The following UGT2B11 variants were observed in gnomAD, a reference collection of about 807,000 sequenced individuals.
UGT2B11 encodes the protein UDP glucuronosyltransferase family 2 member B11, also known as UDP-glucuronosyltransferase 2B11.
Under a neutral mutation model 51.7 loss-of-function variants are expected in UGT2B11, and 49 were observed. The observed-to-expected ratio is 0.95, with a 90% CI of 0.75 to 1.20. The LOEUF (loss-of-function observed/expected upper bound fraction) is 1.20. UGT2B11 is among the 50% of genes most tolerant of loss of function. UGT2B11 has a pLI of 0.00. For synonymous variants in UGT2B11, 273 were observed against 209.0 expected, an observed-to-expected ratio of 1.31 and a Z score of -2.64; for missense variants, 810 against 622.1, an observed-to-expected ratio of 1.30 and a Z score of -3.21.
intron 2 of UGT2B11, among the ~76,000 whole-genome samples, chr4:69,209,855 T>G (rs1407825873): frequency 1.7e-4 from 26 of 151,656 alleles, no homozygotes; most frequent in Non-Finnish European, 4.4e-5. Context: ...TGATATTGAC[T>G]GGTTGTTTCT....
Position 69,208,497 on chromosome 4 carries a change from T to C in UGT2B11, c.871-15A>G. 6.2e-7 allele frequency: 1 copy of C among 1,605,726 alleles called. No individual in the cohort carries two copies. The highest frequency in any genetic ancestry group is 8.5e-7 in the Non-Finnish European group (1 of 1,176,706). On this transcript the variant is annotated splice_polypyrimidine_tract_variant and intron_variant, in intron 2 of 5. Coordinates refer to ENST00000446444, the MANE Select transcript of UGT2B11 (RefSeq NM_001073.3). ...TCCTCCATTTCCTGTGAAAAAAAAA[T>C]TGTTTCATCACAAAAGAGTATCACC...
rs1440629883 is a variant in UGT2B11 at position 69,204,480 on chromosome 4, C to G, written c.1260G>C (p.Met420Ile). Residue 420 changes from methionine to isoleucine, a missense_variant, in exon 5 of 6, where the codon ATG becomes ATC. Transcript: ENST00000446444. Reference sequence around the variant, plus strand: ...GTGCATTCAGCAGGTCTGTACTCGACATTGTGTTGAAGTCCAATCTAACAG... The same window carrying G: ...GTGCATTCAGCAGGTCTGTACTCGAGATTGTGTTGAAGTCCAATCTAACAG... ...GAAVRLDFNT[M>I]SSTDLLNALK... The G allele has an allele frequency of 1.2e-6, 2 of 1,612,154 alleles. No individual in the cohort carries two copies. The highest frequency in any genetic ancestry group is 8.5e-7 in the Non-Finnish European group (1 of 1,178,762).
chr4:69,223,374 C>A, the UGT2B11 span, among the ~76,000 whole-genome samples: 1 of 152,138 alleles, frequency 6.6e-6, no homozygotes, highest in Admixed American at 6.6e-5. Flanking sequence ...CAGGTCAGGC[C>A]CAGATGTGCT....
intron 2 of UGT2B11, among the ~76,000 whole-genome samples, chr4:69,209,131 A>AT (rs1278958400): frequency 3.3e-5 from 5 of 151,670 alleles, no homozygotes; most frequent in Non-Finnish European, 3.0e-5. Context: ...TGAGTCTAGT[A>AT]TTGTGATTTG....
chr4:69,201,578 CT>C (rs1721661560), intron 5 of UGT2B11, among the ~76,000 whole-genome samples: 1 of 151,722 alleles, frequency 6.6e-6, no homozygotes, highest in African/African-American at 2.4e-5. Flanking sequence ...CAAAGGTGTT[CT>C]CATCTTAGAA....
intron 3 of UGT2B11, among the ~76,000 whole-genome samples, chr4:69,207,676 C>T (rs1333167102): frequency 2.6e-5 from 4 of 151,602 alleles, no homozygotes; most frequent in African/African-American, 9.7e-5. Context: ...CTTTCATCTT[C>T]CTGCTTCAGG....
chr4:69,202,842 T>C (rs986251390), intron 5 of UGT2B11, among the ~76,000 whole-genome samples: 84 of 151,788 alleles, frequency 5.5e-4, no homozygotes, highest in African/African-American at 2.0e-3. Flanking sequence ...ACATTGATCA[T>C]TCGTTATCCT....
chr4:69,206,422 A>G (rs946019959), intron 3 of UGT2B11, among the ~76,000 whole-genome samples: 4 of 151,698 alleles, frequency 2.6e-5, no homozygotes, highest in Non-Finnish European at 5.9e-5. Flanking sequence ...AAGCTAAAAG[A>G]TGAGAACACG....
intron 2 of UGT2B11, among the ~76,000 whole-genome samples, chr4:69,209,938 TA>T (rs953937535): frequency 4.0e-5 from 6 of 151,654 alleles, no homozygotes; most frequent in Non-Finnish European, 7.4e-5. Context: ...AAAAGTTTTT[TA>T]AAAAATAATT....
chr4:69,205,767 A>G, intron 3 of UGT2B11, 200 bp from the exon 4 acceptor site: 1 of 550,840 alleles, frequency 1.8e-6, no homozygotes, highest in Admixed American at 4.1e-5. Flanking sequence ...TGATTTTCCA[A>G]AACAGTACCA....
the UGT2B11 span, among the ~76,000 whole-genome samples, chr4:69,223,696 G>C: frequency 6.6e-6 from 1 of 152,102 alleles, no homozygotes; most frequent in Non-Finnish European, 1.5e-5. Context: ...AGGGGGTGGT[G>C]GATGTTCTCT....
At chr4:69,216,074 C>A (rs1457182590), upstream of UGT2B11, 1 of 151,908 alleles carries the variant, frequency 6.6e-6, no homozygotes, top group Non-Finnish European at 1.5e-5. Context: ...GTAAGTCCTC[C>A]ACAGAGTTCT....
chr4:69,213,612 T>C lies in UGT2B11; in HGVS notation c.721+390A>G, dbSNP rs577960508. The stretch of plus-strand genomic sequence containing the variant: ...GATTTACAAGGAAAACTTTCTGCAG[T>C]TACATAGATAGTTGTAGAAAAATGT... On this transcript the variant is annotated intron_variant, in intron 1 of 5. Coordinates refer to ENST00000446444, the MANE Select transcript of UGT2B11 (RefSeq NM_001073.3). Among the ~76,000 whole-genome samples the C allele has an allele frequency of 3.3e-5, 5 of 151,988 alleles. No individual in the cohort carries two copies. The South Asian group carries it at 6.2e-4, about 19-fold the overall frequency.
At chr4:69,206,301 A>G (rs996342879) in intron 3 of UGT2B11, among the ~76,000 whole-genome samples, 4 of 151,690 alleles carry the variant, frequency 2.6e-5, no homozygotes, top group African/African-American at 9.7e-5. Context: ...GCCATAAAAA[A>G]AACAAAAATA....
upstream of UGT2B11, among the ~76,000 whole-genome samples, chr4:69,216,956 T>C (rs907764298): frequency 1.4e-4 from 22 of 152,216 alleles, no homozygotes; most frequent in African/African-American, 4.3e-4. Flanking sequence ...GTCTTCATTT[T>C]CTCTATGTAT....
At chr4:69,213,784 G>C (rs1324278899) in intron 1 of UGT2B11, among the ~76,000 whole-genome samples, 1 of 151,770 alleles carries the variant, frequency 6.6e-6, no homozygotes, top group Non-Finnish European at 1.5e-5. Context: ...ATGATTTCCT[G>C]GGGTGTTCTG....
intron 5 of UGT2B11, chr4:69,204,170 T>C (rs1721762066): frequency 3.6e-6 from 1 of 277,112 alleles, no homozygotes; most frequent in South Asian, 1.5e-4. Context: ...TTAAGAAATG[T>C]ATTTTTTATA....
Position 69,214,456 on chromosome 4 carries a change from G to T in UGT2B11, c.267C>A (p.Ile89=). The change falls in exon 1 of 6, where the codon ATC becomes ATA. Residue 89 remains isoleucine (I), a synonymous_variant. Coordinates refer to ENST00000446444, the MANE Select transcript of UGT2B11 (RefSeq NM_001073.3). Reference sequence around the variant, plus strand: ...ACCATCTCTTAACCTGTTGCATGATGATATTCTCAAATTCAGTTTTAGTTA... The same window carrying T: ...ACCATCTCTTAACCTGTTGCATGATTATATTCTCAAATTCAGTTTTAGTTA... ...TSLTKTEFEN[I]IMQQVKRWSD... 1 of 1,613,234 alleles carries T rather than the reference G, an allele frequency of 6.2e-7. No homozygotes were observed.
the UGT2B11 span, among the ~76,000 whole-genome samples, chr4:69,221,576 T>A: frequency 1.3e-5 from 2 of 152,356 alleles, no homozygotes; most frequent in South Asian, 4.1e-4. Flanking sequence ...TGTCCCTCCC[T>A]AATAAGGGTG....
Sources: gnomAD v4.1 joint callset for allele counts (sites outside exome capture counted in the v4.1 genomes callset) on GRCh38, gnomAD v4.1.1 for gene constraint, MANE v1.5 for transcripts, NCBI Gene and HGNC (gene_info 2026-07-23, HGNC 2026-07-21) for gene names.